Variants in XKR6 observed in about 807,000 individuals in gnomAD.
XKR6 encodes XK-related protein 6.
A neutral mutation model predicts 56.7 loss-of-function variants in XKR6; 22 were observed. The ratio of observed to expected loss-of-function variants is 0.39; its 90% CI spans 0.28 to 0.55. The LOEUF (loss-of-function observed/expected upper bound fraction) is 0.55. Among genes scored for constraint, XKR6 ranks in the 20% least tolerant of loss-of-function variants. The pLI is 0.66. For missense variants in XKR6, 852 were observed against 889.0 expected (o/e 0.96, Z 0.53); for synonymous variants, 524 against 387.8 (o/e 1.35, Z -4.13).
At chr8:11,108,385 G>T (rs1165672853) in intron 1 of XKR6, 2 of 454,804 alleles carry the variant, frequency 4.4e-6, no homozygotes, top group Non-Finnish European at 8.8e-6. Flanking sequence ...CTGTAAATCT[G>T]ATACCCCAAG....
chr8:10,928,709 C>T (rs989068328), intron 1 of XKR6, among the ~76,000 whole-genome samples: 1 of 150,516 alleles, frequency 6.6e-6, no homozygotes, highest in African/African-American at 2.5e-5. Context: ...GAGTGCAAGC[C>T]CAGAGGTGCG....
intron 1 of XKR6, among the ~76,000 whole-genome samples, chr8:11,037,253 G>A (rs138715370): frequency 6.6e-6 from 1 of 152,090 alleles, no homozygotes; most frequent in Non-Finnish European, 1.5e-5. Context: ...TTTAAGACAG[G>A]GTCTCACTCT....
Position 11,185,462 on chromosome 8 carries a change from A to G in XKR6, c.764+15114T>C, listed in dbSNP as rs543561089. ...TGCAGTTTCTAAGAACTCACTGATGACAGTGAAGATTTACTGTATGGGGTT... is the reference window on the plus strand; with the variant it reads ...TGCAGTTTCTAAGAACTCACTGATGGCAGTGAAGATTTACTGTATGGGGTT... On this transcript the variant is annotated intron_variant, in intron 1 of 2. Transcript: ENST00000416569. Among the ~76,000 whole-genome samples the G allele has an allele frequency of 3.0e-4, 45 of 152,310 alleles. 2 individuals carry two copies. In the South Asian group the frequency reaches 8.3e-3, roughly 28 times the overall value.
chr8:11,019,419 T>A (rs1437803387), intron 1 of XKR6, among the ~76,000 whole-genome samples: 1 of 152,166 alleles, frequency 6.6e-6, no homozygotes, highest in African/African-American at 2.4e-5. Context: ...GACCACCCAT[T>A]GTAACTATTC....
chr8:11,173,087 G>A (rs1802459743), intron 1 of XKR6, among the ~76,000 whole-genome samples: 1 of 151,916 alleles, frequency 6.6e-6, no homozygotes, highest in African/African-American at 2.4e-5. Flanking sequence ...TGTAATCCCA[G>A]CACTTTGGGA....
chr8:11,019,429 C>A (rs1400511081), intron 1 of XKR6, among the ~76,000 whole-genome samples: 1 of 152,254 alleles, frequency 6.6e-6, no homozygotes, highest in Non-Finnish European at 1.5e-5. Context: ...TGTAACTATT[C>A]TTCCTCCATC....
Position 10,898,975 on chromosome 8 carries a change from G to A in XKR6, c.962-59C>T. 1 of 1,522,320 alleles carries A rather than the reference G, an allele frequency of 6.6e-7. No homozygotes were observed. The highest frequency in any genetic ancestry group is 8.8e-7 in the Non-Finnish European group (1 of 1,142,748). The allele number at this position is 1,522,320 out of a possible 1,614,324, so 94.3% of individuals were successfully genotyped here. A position where few individuals can be genotyped will look rare whatever the true frequency, so the allele number is the denominator to read the frequency against. On this transcript the variant is annotated intron_variant, in intron 2 of 2. Coordinates refer to ENST00000416569, the MANE Select transcript of XKR6 (RefSeq NM_173683.4). The surrounding 1 kb of genome is among the most constrained non-coding windows in gnomAD (Gnocchi z 6.6). Reference sequence around the variant, plus strand: ...CCTTGGACATCAACCGCAGGGCACAGTGAAGCTGCCGGCTGAGGAGACGCC... The same window carrying A: ...CCTTGGACATCAACCGCAGGGCACAATGAAGCTGCCGGCTGAGGAGACGCC...
At chr8:11,107,049 G>A (rs1459324602) in intron 1 of XKR6, among the ~76,000 whole-genome samples, 2 of 151,942 alleles carry the variant, frequency 1.3e-5, no homozygotes, top group Non-Finnish European at 2.9e-5. Context: ...ATGACAATGA[G>A]AGGAAAGAAG....
At chr8:10,993,511 C>A (rs1352050227) in intron 1 of XKR6, among the ~76,000 whole-genome samples, 1 of 152,222 alleles carries the variant, frequency 6.6e-6, no homozygotes, top group Non-Finnish European at 1.5e-5. Flanking sequence ...GGGCCCAGGG[C>A]CTGTGTCTTC....
At chr8:11,073,831 TA>T (rs1800196213) in intron 1 of XKR6, among the ~76,000 whole-genome samples, 1 of 151,944 alleles carries the variant, frequency 6.6e-6, no homozygotes, top group East Asian at 1.9e-4. Context: ...CATTCCAGAA[TA>T]AAGCGAAAGC....
At chr8:11,086,683 G>A (rs553864231) in intron 1 of XKR6, among the ~76,000 whole-genome samples, 2 of 152,290 alleles carry the variant, frequency 1.3e-5, no homozygotes, top group Admixed American at 6.5e-5. Context: ...CCCCAGCAGC[G>A]GGAGGAATAT....
intron 1 of XKR6, among the ~76,000 whole-genome samples, chr8:11,151,539 G>A (rs768116425): frequency 6.6e-6 from 1 of 152,160 alleles, no homozygotes; most frequent in Non-Finnish European, 1.5e-5. Context: ...ATGTGAACAA[G>A]ATGTGACATT....
At chr8:10,943,778 G>A (rs1356229545) in intron 1 of XKR6, among the ~76,000 whole-genome samples, 5 of 152,054 alleles carry the variant, frequency 3.3e-5, no homozygotes, top group Middle Eastern at 3.2e-3. Flanking sequence ...GTGCTTTTAC[G>A]CCAGGGCACT....
intron 1 of XKR6, among the ~76,000 whole-genome samples, chr8:10,990,232 C>G (rs903462340): frequency 3.3e-5 from 5 of 152,206 alleles, no homozygotes; most frequent in Non-Finnish European, 5.9e-5. Flanking sequence ...CTAGTACAAA[C>G]GCGTCTCTAT....
At chr8:11,198,305 AT>A (rs1357238362) in intron 1 of XKR6, among the ~76,000 whole-genome samples, 1 of 152,170 alleles carries the variant, frequency 6.6e-6, no homozygotes, top group Non-Finnish European at 1.5e-5. Context: ...GGGAAAAAAA[AT>A]TTTTTTAATA....
intron 2 of XKR6, among the ~76,000 whole-genome samples, chr8:10,899,448 A>T (rs1203278866): frequency 6.6e-6 from 1 of 152,104 alleles, no homozygotes; most frequent in African/African-American, 2.4e-5. Flanking sequence ...CAAAGTCCCA[A>T]AAGGCCCTTT....
intron 1 of XKR6, among the ~76,000 whole-genome samples, chr8:11,130,612 G>T (rs944761260): frequency 2.0e-4 from 29 of 143,420 alleles, no homozygotes; most frequent in African/African-American, 6.4e-4. Flanking sequence ...TCCCTCGCCG[G>T]TTTTTTTTTT....
intron 2 of XKR6, among the ~76,000 whole-genome samples, chr8:10,911,484 T>G (rs561729343): frequency 6.7e-6 from 1 of 148,568 alleles, no homozygotes; most frequent in South Asian, 2.1e-4. Context: ...TGTATATATA[T>G]ATATAGAGAG....
At chr8:11,037,142 A>C (rs552076270) in intron 1 of XKR6, among the ~76,000 whole-genome samples, 1 of 152,382 alleles carries the variant, frequency 6.6e-6, no homozygotes, top group East Asian at 1.9e-4. Flanking sequence ...TGTTTCACCC[A>C]ACAATTATAA....
Sources: allele counts gnomAD v4.1 joint callset (sites outside exome capture counted in the v4.1 genomes callset), GRCh38; gene constraint gnomAD v4.1.1; non-coding constraint Gnocchi (gnomAD v3.1); transcripts MANE v1.5; gene names NCBI Gene and HGNC (gene_info 2026-07-23, HGNC 2026-07-21).